Variants in TMEM51 observed in about 807,000 individuals in gnomAD.
The protein encoded by TMEM51 is transmembrane protein 51, also known as chromosome 1 open reading frame 72.
A neutral mutation model predicts 13.6 loss-of-function variants in TMEM51; 8 were observed. The observed-to-expected ratio is 0.59, with a 90% confidence interval of 0.35 to 1.07. The LOEUF is 1.07. TMEM51 is among the 50% of genes least tolerant of loss of function. The probability of loss-of-function intolerance (pLI) is 0.02; values close to 1 mark genes in which losing one functional copy is unlikely to be tolerated. For synonymous variants in TMEM51, 147 were observed against 144.4 expected (o/e 1.02, Z -0.13); for missense variants, 279 against 330.7 (o/e 0.84, Z 1.21).
At chr1:15,178,189 G>A (rs1643508053) in intron 1 of TMEM51, among the ~76,000 whole-genome samples, 1 of 60,866 alleles carries the variant, frequency 1.6e-5, no homozygotes, top group Non-Finnish European at 3.9e-5. Context: ...TAGGTGAGCA[G>A]GGGTGGAAGA....
chr1:15,157,764 C>T (rs1394502231), intron 1 of TMEM51, among the ~76,000 whole-genome samples: 1 of 152,098 alleles, frequency 6.6e-6, no homozygotes, highest in Admixed American at 6.5e-5. Context: ...TCTGGCACTC[C>T]CTTAGCCAGA....
chr1:15,163,496 G>T (rs548318571), intron 1 of TMEM51, among the ~76,000 whole-genome samples: 1 of 151,858 alleles, frequency 6.6e-6, no homozygotes, highest in Non-Finnish European at 1.5e-5. Context: ...GAACTTTGGC[G>T]GCTTTTTTCC....
chr1:15,172,919 C>T (rs1156828622), intron 1 of TMEM51, among the ~76,000 whole-genome samples: 3 of 152,132 alleles, frequency 2.0e-5, no homozygotes, highest in Non-Finnish European at 4.4e-5. Flanking sequence ...GATCAGAAAA[C>T]GTCGTCGTTA....
intron 1 of TMEM51, 97 bp downstream of exon 1, chr1:15,154,051 CTCCTG>C (rs1642495466): frequency 6.6e-6 from 1 of 152,194 alleles, no homozygotes; most frequent in Admixed American, 6.5e-5. Context: ...CCGTTTGGGT[CTCCTG>C]TCCGTCCGTC....
intron 1 of TMEM51, chr1:15,191,772 T>C: frequency 3.1e-6 from 1 of 324,344 alleles, no homozygotes; most frequent in Non-Finnish European, 6.2e-6. Flanking sequence ...TTGCAAATCT[T>C]TTTATTTCCA....
At chr1:15,216,125 G>A (rs10927729) in intron 3 of TMEM51, among the ~76,000 whole-genome samples, 21,705 of 152,134 alleles carry the variant, frequency 0.14, 1,760 homozygotes, top group East Asian at 0.3. Flanking sequence ...ATTTTGACCC[G>A]CCCAGGGTCA....
intron 1 of TMEM51, among the ~76,000 whole-genome samples, chr1:15,195,806 C>T (rs1644035353): frequency 6.6e-6 from 1 of 152,176 alleles, no homozygotes; most frequent in South Asian, 2.1e-4. Context: ...TCCTAACGAG[C>T]ATCTCCTGCC....
chr1:15,218,383 GTCGC>G (rs1432473512), intron 3 of TMEM51, among the ~76,000 whole-genome samples: 6 of 152,324 alleles, frequency 3.9e-5, no homozygotes, highest in African/African-American at 1.4e-4. Flanking sequence ...CACGCAGCAT[GTCGC>G]TAAGTGGGAA....
At chr1:15,202,851 A>G (rs1428062160) in intron 1 of TMEM51, among the ~76,000 whole-genome samples, 1 of 152,160 alleles carries the variant, frequency 6.6e-6, no homozygotes, top group Non-Finnish European at 1.5e-5. Context: ...AAATTCCAAG[A>G]AACACAGGGT....
chr1:15,178,322 C>G (rs1038931326), intron 1 of TMEM51, among the ~76,000 whole-genome samples: 1 of 152,168 alleles, frequency 6.6e-6, no homozygotes, highest in African/African-American at 2.4e-5. Flanking sequence ...CCACCTGTCT[C>G]TATATCCTTG....
At chr1:15,178,802 C>T (rs912546007) in intron 1 of TMEM51, among the ~76,000 whole-genome samples, 2 of 152,196 alleles carry the variant, frequency 1.3e-5, no homozygotes, top group East Asian at 3.8e-4. Context: ...CTGGAGGTCC[C>T]TTAGCGGAGA....
At chr1:15,189,595 C>A (rs115645047) in intron 1 of TMEM51, among the ~76,000 whole-genome samples, 226 of 152,304 alleles carry the variant, frequency 1.5e-3, no homozygotes, top group African/African-American at 5.2e-3. Flanking sequence ...GGCTGGGACA[C>A]CCACCGTGGG....
chr1:15,153,471 T>A (rs1045072976), upstream of TMEM51, among the ~76,000 whole-genome samples: 5 of 152,098 alleles, frequency 3.3e-5, no homozygotes, highest in African/African-American at 1.2e-4. Context: ...GGGCTCTATT[T>A]TCTCCCGACC....
intron 1 of TMEM51, among the ~76,000 whole-genome samples, chr1:15,177,618 G>C (rs548838291): frequency 2.3e-3 from 348 of 152,340 alleles, no homozygotes; most frequent in African/African-American, 8.2e-3. Flanking sequence ...TGGGCGTGCA[G>C]TGTCTCTCTG....
At chr1:15,172,088 G>T (rs760603662) in intron 1 of TMEM51, among the ~76,000 whole-genome samples, 232 of 152,236 alleles carry the variant, frequency 1.5e-3, no homozygotes, top group Non-Finnish European at 2.5e-3. Flanking sequence ...AAAAGAAAGT[G>T]GACTCTGTCC....
chr1:15,209,293 C>T (rs1471267579), intron 1 of TMEM51, among the ~76,000 whole-genome samples: 5 of 151,462 alleles, frequency 3.3e-5, no homozygotes, highest in South Asian at 4.2e-4. Context: ...GACATGGTCT[C>T]ACTATAGTGC....
In TMEM51 at chr1:15,182,201, T is replaced by TC. The variant is rs1374357738; in HGVS notation, c.-267+28247_-267+28248insC. 2.6e-3 allele frequency among the ~76,000 whole-genome samples: 371 copies of TC among 143,830 alleles called. 4 individuals are homozygous for TC. Among genetic ancestry groups the TC allele is most frequent in the Admixed American group, 0.022 (319 of 14,534 alleles). 94.4% of individuals were successfully genotyped at this position (143,830 alleles called of 152,430 possible). ...ATAAATAAATAAATAAATAAATAAA[T>TC]AAATAACTGCACTAGGCTGAAAGCA... On this transcript the variant is annotated intron_variant, in intron 1 of 3. Coordinates refer to ENST00000376008, the MANE Select transcript of TMEM51 (RefSeq NM_001136218.2).
At chr1:15,157,191 C>G (rs1427897554) in intron 1 of TMEM51, among the ~76,000 whole-genome samples, 3 of 152,184 alleles carry the variant, frequency 2.0e-5, no homozygotes, top group African/African-American at 7.2e-5. Context: ...CTCTGCTGAG[C>G]TCCCCTGACC....
chr1:15,200,474 G>C (rs146528028), intron 1 of TMEM51, among the ~76,000 whole-genome samples: 3 of 150,476 alleles, frequency 2.0e-5, no homozygotes, highest in African/African-American at 7.3e-5. Flanking sequence ...GGACAACCGC[G>C]TGAGGACAGA....
Sources: allele counts gnomAD v4.1 joint callset (sites outside exome capture counted in the v4.1 genomes callset), GRCh38; gene constraint gnomAD v4.1.1; transcripts MANE v1.5; gene names NCBI Gene and HGNC (gene_info 2026-07-23, HGNC 2026-07-21).